Variants in IKZF2 observed in about 807,000 individuals in gnomAD.
The protein encoded by IKZF2 is IKAROS family zinc finger 2, also known as zinc finger protein Helios.
In IKZF2, 15 loss-of-function variants were observed where a neutral mutation model predicts 49.2. That is an observed-to-expected ratio of 0.30 (90% CI 0.20 to 0.47). The LOEUF is 0.47. Ranked by LOEUF, IKZF2 falls within the 20% of genes least tolerant of loss-of-function variation. The pLI, the probability that IKZF2 is intolerant of heterozygous loss-of-function variation, is 1.00. For missense variants in IKZF2, 567 were observed against 664.6 expected, an observed-to-expected ratio of 0.85 and a Z score of 1.61; for synonymous variants, 227 against 221.4, an observed-to-expected ratio of 1.03 and a Z score of -0.23.
At chr2:213,136,294 C>T (rs1172744509) in intron 4 of IKZF2, among the ~76,000 whole-genome samples, 2 of 140,066 alleles carry the variant, frequency 1.4e-5, no homozygotes, top group African/African-American at 5.2e-5. Flanking sequence ...TTGCTTGAAC[C>T]TGGGAGTGAA....
intron 6 of IKZF2, among the ~76,000 whole-genome samples, chr2:213,029,220 G>T (rs1029493250): frequency 2.0e-5 from 3 of 151,834 alleles, no homozygotes; most frequent in African/African-American, 7.2e-5. Flanking sequence ...ATTGTCTGGA[G>T]GAATTTGTTC....
Position 213,124,243 on chromosome 2 carries a change from C to CGT in IKZF2, c.139+23464_139+23465insAC, listed in dbSNP as rs1319172647. On this transcript the variant is annotated intron_variant, in intron 4 of 8. Transcript: ENST00000434687. ...TTGTGTGCACGCACACATGCGCTCG[C>CGT]GCGCGCGCGCACACACACACACACA... Among the ~76,000 whole-genome samples the CGT allele has an allele frequency of 6.0e-3, 600 of 99,618 alleles. 8 individuals are homozygous for CGT. The highest frequency in any genetic ancestry group is 8.8e-3 in the Non-Finnish European group (458 of 52,234). The allele number at this position is 99,618 out of a possible 152,430, so 65.4% of individuals were successfully genotyped here. A position where few individuals can be genotyped will look rare whatever the true frequency, so the allele number is the denominator to read the frequency against.
chr2:213,043,555 G>C (rs1699866041), intron 6 of IKZF2, among the ~76,000 whole-genome samples: 1 of 152,168 alleles, frequency 6.6e-6, no homozygotes, highest in Admixed American at 6.5e-5. Flanking sequence ...TATATCAGCA[G>C]TTCCCAACCT....
chr2:213,091,034 C>A (rs901905293), intron 4 of IKZF2, among the ~76,000 whole-genome samples: 1 of 152,092 alleles, frequency 6.6e-6, no homozygotes, highest in Non-Finnish European at 1.5e-5. Context: ...TGGGACACTA[C>A]AGCAAGAACA....
At chr2:213,078,698 A>C (rs6723307) in intron 4 of IKZF2, among the ~76,000 whole-genome samples, 5,473 of 152,264 alleles carry the variant, frequency 0.036, 349 homozygotes, top group African/African-American at 0.12. Flanking sequence ...CATTTTAGTG[A>C]AATAGAGTGA....
chr2:213,135,584 G>C (rs1175639172), intron 4 of IKZF2, among the ~76,000 whole-genome samples: 1 of 149,920 alleles, frequency 6.7e-6, no homozygotes, highest in African/African-American at 2.5e-5. Context: ...TGTAGCCCCA[G>C]ATACTTGAGA....
intron 4 of IKZF2, among the ~76,000 whole-genome samples, chr2:213,084,478 T>C (rs1469254713): frequency 6.6e-6 from 1 of 152,190 alleles, no homozygotes; most frequent in East Asian, 1.9e-4. Flanking sequence ...TAATCATTTT[T>C]ATTATGGCTT....
At chr2:213,037,374 C>T (rs375561714) in intron 6 of IKZF2, among the ~76,000 whole-genome samples, 1 of 152,174 alleles carries the variant, frequency 6.6e-6, no homozygotes, top group Non-Finnish European at 1.5e-5. Flanking sequence ...AGCATGACTA[C>T]TACAATTCAT....
At chr2:213,040,086 G>A (rs1246738859) in intron 6 of IKZF2, among the ~76,000 whole-genome samples, 1 of 152,046 alleles carries the variant, frequency 6.6e-6, no homozygotes, top group African/African-American at 2.4e-5. Flanking sequence ...AATTTTCATA[G>A]TAATCTGAAC....
intron 8 of IKZF2, among the ~76,000 whole-genome samples, chr2:213,009,692 A>G (rs148788996): frequency 6.6e-6 from 1 of 152,260 alleles, no homozygotes; most frequent in African/African-American, 2.4e-5. Flanking sequence ...TGGAAGGAAC[A>G]ATAGCAATTT....
intron 4 of IKZF2, among the ~76,000 whole-genome samples, chr2:213,137,593 G>A (rs1449434969): frequency 6.6e-6 from 1 of 151,972 alleles, no homozygotes; most frequent in African/African-American, 2.4e-5. Context: ...CCACTTTTCA[G>A]TCTAAAAAGT....
At position 213,007,903 on chromosome 2, in the gene IKZF2, T is replaced by G; in HGVS notation, c.1038A>C (p.Glu346Asp). The G allele has an allele frequency of 6.2e-7, 1 of 1,613,610 alleles. No homozygotes were observed. The highest frequency in any genetic ancestry group is 8.5e-7 in the Non-Finnish European group (1 of 1,179,736). Reference protein sequence around the residue: ...LMQHPPSTIAEVAPVISSAYS... With the variant: ...LMQHPPSTIADVAPVISSAYS... ...AAGCTGAGCTTATAACTGGGGCCAC[T>G]TCAGCGATTGTGCTTGGCGGGTGCT... is the stretch of plus-strand genomic sequence containing the variant. The change falls in exon 9 of 9, where the codon GAA becomes GAC. Residue 346 changes from glutamate to aspartate, a missense_variant. Transcript: ENST00000434687.
intron 4 of IKZF2, 29 bp downstream of exon 4, chr2:213,147,679 C>A (rs555718669): frequency 4.8e-6 from 7 of 1,460,612 alleles, no homozygotes; most frequent in African/African-American, 2.8e-5. Flanking sequence ...CACACACACA[C>A]AAAAAAAAAT....
chr2:213,114,867 TG>T (rs1322823285), intron 4 of IKZF2, among the ~76,000 whole-genome samples: 1 of 150,798 alleles, frequency 6.6e-6, no homozygotes, highest in Non-Finnish European at 1.5e-5. Context: ...GGGAGGCAAC[TG>T]TAGTGAGCCC....
intron 7 of IKZF2, among the ~76,000 whole-genome samples, chr2:213,016,286 C>A (rs1421794035): frequency 6.6e-6 from 1 of 152,040 alleles, no homozygotes; most frequent in African/African-American, 2.4e-5. Flanking sequence ...AAGTAATTTC[C>A]TCAGGGTTTA....
intron 4 of IKZF2, among the ~76,000 whole-genome samples, chr2:213,064,740 A>G (rs1702016121): frequency 4.1e-5 from 2 of 48,980 alleles, no homozygotes; most frequent in South Asian, 8.1e-4. Context: ...TGTCTTGCAC[A>G]TCTGTTTTTG....
chr2:213,061,512 C>T (rs904973582), intron 4 of IKZF2, among the ~76,000 whole-genome samples: 5 of 149,904 alleles, frequency 3.3e-5, no homozygotes, highest in African/African-American at 9.7e-5. Context: ...AAAATCAAAA[C>T]TCAAATTTTA....
At chr2:213,129,447 G>A (rs1350412017) in intron 4 of IKZF2, among the ~76,000 whole-genome samples, 2 of 150,680 alleles carry the variant, frequency 1.3e-5, no homozygotes, top group Admixed American at 1.3e-4. Context: ...CAAGTACAGA[G>A]GTCCTTAGAC....
At chr2:213,021,608 T>C (rs1359742944) in intron 7 of IKZF2, 5 of 352,702 alleles carry the variant, frequency 1.4e-5, no homozygotes, top group Admixed American at 8.5e-5. Flanking sequence ...AAAGGGCCGA[T>C]TGGAGAAATT....
Sources: gnomAD v4.1 joint callset for allele counts (sites outside exome capture counted in the v4.1 genomes callset) on GRCh38, gnomAD v4.1.1 for gene constraint, MANE v1.5 for transcripts, NCBI Gene and HGNC (gene_info 2026-07-23, HGNC 2026-07-21) for gene names.